SIAE: variants seen among roughly 807,000 people sequenced by gnomAD.
The protein encoded by SIAE is sialic acid acetylesterase.
SIAE carries 39 observed loss-of-function variants against 52.6 expected under a neutral mutation model. The ratio of observed to expected loss-of-function variants is 0.74; its 90% CI spans 0.57 to 0.97. SIAE has a LOEUF of 0.97. Among genes scored for constraint, SIAE ranks in the 50% least tolerant of loss-of-function variants. The pLI is 0.00. For synonymous variants in SIAE, 233 were observed against 241.4 expected (o/e 0.97, Z 0.32); for missense variants, 592 against 662.1 (o/e 0.89, Z 1.16).
In SIAE at chr11:124,673,627, G is replaced by T; in HGVS notation, c.67+15C>A. On this transcript the variant is annotated intron_variant, in intron 1 of 9. Coordinates refer to ENST00000263593, the MANE Select transcript of SIAE (RefSeq NM_170601.5). ...GGCTGAGGGGCAGGGGTCCGGCCGAGCCGGGCCGCCTCACCTGCACTTCTG... is the reference window on the plus strand; with the variant it reads ...GGCTGAGGGGCAGGGGTCCGGCCGATCCGGGCCGCCTCACCTGCACTTCTG... 8.7e-6 allele frequency: 14 copies of T among 1,611,890 alleles called. No homozygotes were observed. Among genetic ancestry groups the T allele is most frequent in the Non-Finnish European group, 1.1e-5 (13 of 1,179,216 alleles).
At chr11:124,675,623 C>T, upstream of SIAE, 1 of 501,766 alleles carries the variant, frequency 2.0e-6, no homozygotes, top group Non-Finnish European at 3.5e-6. Flanking sequence ...ATTACCAGTT[C>T]ATTATTCAGA....
intron 6 of SIAE, 120 bp from the exon 7 acceptor site, chr11:124,647,618 G>C (rs1415139080): frequency 7.9e-7 from 1 of 1,260,742 alleles, no homozygotes; most frequent in East Asian, 2.5e-5. Flanking sequence ...CTCTGGACTG[G>C]TCTTTTTCCA....
At chr11:124,642,284 C>T (rs1942861715) in intron 7 of SIAE, among the ~76,000 whole-genome samples, 1 of 152,198 alleles carries the variant, frequency 6.6e-6, no homozygotes, top group South Asian at 2.1e-4. Context: ...ATCCACAGCT[C>T]ATGTATTATC....
intron 4 of SIAE, 40 bp downstream of exon 4, chr11:124,654,615 C>G (rs773832409): frequency 2.7e-5 from 43 of 1,613,864 alleles, no homozygotes; most frequent in Non-Finnish European, 3.6e-5. Context: ...AGGGCGCTAA[C>G]CCATTATATA....
intron 2 of SIAE, among the ~76,000 whole-genome samples, chr11:124,667,846 T>C (rs544481948): frequency 3.3e-4 from 50 of 152,164 alleles, no homozygotes; most frequent in African/African-American, 1.1e-3. Context: ...CTTTGTAATA[T>C]CTCCCTGCTC....
intron 2 of SIAE, among the ~76,000 whole-genome samples, chr11:124,663,865 C>T (rs1168686259): frequency 6.6e-6 from 1 of 152,192 alleles, no homozygotes; most frequent in Non-Finnish European, 1.5e-5. Context: ...AGCCACTAAC[C>T]ACAAAGAGTT....
rs140706828 is a variant in SIAE at position 124,660,604 on chromosome 11, T to G, written c.405+24A>C. 2.1e-4 allele frequency: 336 copies of G among 1,612,686 alleles called. No homozygotes were observed. In the African/African-American group the frequency reaches 4.1e-3, roughly 20 times the overall value. ...CTTCTTCATCACCAACACTGTGTAT[T>G]ATTGCTGAGACTCTGCAAATTACCT... On this transcript the variant is annotated intron_variant, in intron 3 of 9. Transcript: ENST00000263593.
At chr11:124,664,767 T>C (rs1442668346) in intron 2 of SIAE, among the ~76,000 whole-genome samples, 1 of 152,232 alleles carries the variant, frequency 6.6e-6, no homozygotes, top group African/African-American at 2.4e-5. Context: ...TATTTTGTTC[T>C]ATTATTGTGC....
At chr11:124,643,436 A>T (rs568751803) in intron 7 of SIAE, among the ~76,000 whole-genome samples, 2 of 152,310 alleles carry the variant, frequency 1.3e-5, no homozygotes, top group African/African-American at 4.8e-5. Flanking sequence ...AGGAGGAGAA[A>T]AAAAGGTAAA....
chr11:124,653,002 T>C (rs762596457), intron 4 of SIAE, among the ~76,000 whole-genome samples: 30 of 152,186 alleles, frequency 2.0e-4, no homozygotes, highest in African/African-American at 3.6e-4. Flanking sequence ...TAATACATTA[T>C]CCAAATTTGA....
At chr11:124,638,453 C>T (rs573442936) in intron 9 of SIAE, 89 bp downstream of exon 9, 17 of 1,413,354 alleles carry the variant, frequency 1.2e-5, no homozygotes, top group Admixed American at 5.3e-5. Flanking sequence ...CCCGCCACAT[C>T]GTAATAACAA....
rs1942728240 is a variant in SIAE, at chr11:124,635,954, T to TATG, written c.*994_*996dup. 1 of 152,134 alleles carries TATG rather than the reference T, an allele frequency of 6.6e-6. No individual in the cohort carries two copies. The highest frequency in any genetic ancestry group is 1.5e-5 in the Non-Finnish European group (1 of 68,016). The allele number at this position is 152,134 out of a possible 1,614,324, so 9.4% of individuals were successfully genotyped here. On this transcript the variant is annotated 3_prime_UTR_variant, in exon 10 of 10. Transcript: ENST00000263593. ...TTTGTATCATCTGCATTTTTTTTTA[T>TATG]ATGCTTGTCATGTGGCTTTACTTTC... is the stretch of plus-strand genomic sequence containing the variant.
chr11:124,655,868 T>G (rs1307487659), intron 3 of SIAE, among the ~76,000 whole-genome samples: 1 of 152,228 alleles, frequency 6.6e-6, no homozygotes, highest in Non-Finnish European at 1.5e-5. Context: ...TTATTATATA[T>G]GTTAAGCAAC....
Position 124,638,577 on chromosome 11 carries a change from TTTGCTGGTAATATGTGAGA to T in SIAE, c.1266_1284del (p.Asn422LysfsTer29). 9.3e-6 allele frequency: 15 copies of T among 1,614,190 alleles called. No homozygotes were observed. Among genetic ancestry groups the T allele is most frequent in the Middle Eastern group, 1.6e-4 (1 of 6,062 alleles). Reference sequence around the variant, plus strand: ...TTGTTGTCCTTTTTCTGCACCTGGATTTGCTGGTAATATGTGAGATTGAGCAGCCCCTTGTGAGCCAAGA... The same window carrying T: ...TTGTTGTCCTTTTTCTGCACCTGGATTTGAGCAGCCCCTTGTGAGCCAAGA... On this transcript the variant is annotated frameshift_variant, in exon 9 of 10. Coordinates refer to ENST00000263593, the MANE Select transcript of SIAE (RefSeq NM_170601.5). LOFTEE classifies it low-confidence loss of function (END_TRUNC).
At chr11:124,660,297 G>GAAAAAAAAAAAAAAAAAAAAAAAAA (rs200559016) in intron 3 of SIAE, 1 of 219,048 alleles carries the variant, frequency 4.6e-6, no homozygotes. Context: ...TCTCAAAAAA[G>GAAAAAAAAAAAAAAAAAAAAAAAAA]AAAAAAAAAA....
At chr11:124,654,924 G>A (rs1943074224) in intron 3 of SIAE, 131 bp from the exon 4 acceptor site, 2 of 1,002,102 alleles carry the variant, frequency 2.0e-6, no homozygotes, top group African/African-American at 1.6e-5. Flanking sequence ...CAAAACCAAT[G>A]GGCTGCACTG....
At chr11:124,669,332 T>C (rs565777605) in intron 2 of SIAE, 28 bp downstream of exon 2, 13 of 1,613,916 alleles carry the variant, frequency 8.1e-6, no homozygotes, top group South Asian at 4.4e-5. Flanking sequence ...AAGAGGGCAA[T>C]AGCTGAACGG....
At chr11:124,666,805 T>G (rs1347520709) in intron 2 of SIAE, among the ~76,000 whole-genome samples, 2 of 152,208 alleles carry the variant, frequency 1.3e-5, no homozygotes, top group Non-Finnish European at 1.5e-5. Context: ...GCTCAGTGTT[T>G]TAGACATAGT....
chr11:124,647,416 G>A lies in SIAE; in HGVS notation c.915C>T (p.His305=). 6.2e-7 allele frequency: 1 copy of A among 1,614,218 alleles called. No individual in the cohort carries two copies. The highest frequency in any genetic ancestry group is 8.5e-7 in the Non-Finnish European group (1 of 1,180,040). ...ALIEDWRETF[H]RGSQGQTERF... ...GCTCCGTCTGCCCCTGGGAACCACG[G>A]TGGAAGGTTTCACGCCAGTCTTCGA... The change falls in exon 7 of 10, where the codon CAC becomes CAT. Residue 305 remains histidine (H), a synonymous_variant. Coordinates refer to ENST00000263593, the MANE Select transcript of SIAE (RefSeq NM_170601.5).
Sources: allele counts gnomAD v4.1 joint callset (sites outside exome capture counted in the v4.1 genomes callset), GRCh38; gene constraint gnomAD v4.1.1; transcripts MANE v1.5; gene names NCBI Gene and HGNC (gene_info 2026-07-23, HGNC 2026-07-21).